The following LRMDA variants were observed in gnomAD, a reference collection of about 807,000 sequenced individuals.
LRMDA encodes the protein leucine rich melanocyte differentiation associated, also known as leucine-rich melanocyte differentiation-associated protein.
Under a neutral mutation model 29.8 loss-of-function variants are expected in LRMDA, and 18 were observed. The ratio of observed to expected loss-of-function variants is 0.60; its 90% CI spans 0.42 to 0.90. The LOEUF is 0.90. LRMDA is among the 40% of genes least tolerant of loss of function. The probability of loss-of-function intolerance (pLI) is 0.00; values close to 1 mark genes in which losing one functional copy is unlikely to be tolerated. For synonymous variants in LRMDA, 125 were observed against 109.4 expected, an observed-to-expected ratio of 1.14 and a Z score of -0.89; for missense variants, 273 against 273.9, an observed-to-expected ratio of 1.00 and a Z score of 0.02.
chr10:75,679,963 G>T (rs1299923304), intron 2 of LRMDA, among the ~76,000 whole-genome samples: 1 of 152,192 alleles, frequency 6.6e-6, no homozygotes, highest in Non-Finnish European at 1.5e-5. Flanking sequence ...GGTAGCAATG[G>T]TTTTAAACAA....
At chr10:76,060,440 T>C (rs961786308) in intron 5 of LRMDA, among the ~76,000 whole-genome samples, 1 of 152,110 alleles carries the variant, frequency 6.6e-6, no homozygotes, top group South Asian at 2.1e-4. Context: ...TCCTCTAAAG[T>C]AGAAGGAAGG....
At position 76,475,955 on chromosome 10, in the gene LRMDA, C is replaced by G. The variant is rs776098118; in HGVS notation, c.602-81254C>G. On this transcript the variant is annotated intron_variant, in intron 6 of 6. Transcript: ENST00000611255. ...GCCCACAAGAGAAAGCAGGAAAGAT[C>G]TAAAAGTGACACCCTAACATCACAA... is the stretch of plus-strand genomic sequence containing the variant. Among the ~76,000 whole-genome samples the G allele has an allele frequency of 8.0e-4, 122 of 152,126 alleles. 1 individual carries two copies. The highest frequency in any genetic ancestry group is 1.4e-3 in the Non-Finnish European group (97 of 67,998).
chr10:75,479,530 G>A (rs1366945506), intron 2 of LRMDA, among the ~76,000 whole-genome samples: 1 of 149,506 alleles, frequency 6.7e-6, no homozygotes, highest in South Asian at 2.1e-4. Flanking sequence ...AAAAGTACAC[G>A]CAACCTTGGG....
intron 5 of LRMDA, among the ~76,000 whole-genome samples, chr10:76,164,550 G>T (rs1564672215): frequency 6.6e-6 from 1 of 152,118 alleles, no homozygotes; most frequent in Non-Finnish European, 1.5e-5. Context: ...AAAAAACAAA[G>T]AATATTTGAG....
At chr10:75,547,439 T>C (rs1473212653) in intron 2 of LRMDA, among the ~76,000 whole-genome samples, 1 of 152,230 alleles carries the variant, frequency 6.6e-6, no homozygotes, top group East Asian at 1.9e-4. Flanking sequence ...CAGGAGTATC[T>C]TTCCTTCGTC....
intron 2 of LRMDA, among the ~76,000 whole-genome samples, chr10:75,655,254 A>G (rs1482725135): frequency 6.6e-6 from 1 of 152,250 alleles, no homozygotes; most frequent in African/African-American, 2.4e-5. Flanking sequence ...GTGTATCAGT[A>G]TGGAGAGCAA....
chr10:75,903,554 T>C (rs1845712214), intron 2 of LRMDA, among the ~76,000 whole-genome samples: 1 of 152,246 alleles, frequency 6.6e-6, no homozygotes, highest in South Asian at 2.1e-4. Flanking sequence ...ATTTGCATAG[T>C]TTATTTCATT....
In LRMDA at chr10:75,787,559, C is replaced by T. The variant is rs1421897945; in HGVS notation, c.132-248449C>T. The stretch of plus-strand genomic sequence containing the variant: ...ATTTCTCTGTCTCCTCCAGACCCCC[C>T]GCCCTCATGATACTGTTGCCAAAAT... On this transcript the variant is annotated intron_variant, in intron 2 of 6. Coordinates refer to ENST00000611255, the MANE Select transcript of LRMDA (RefSeq NM_001305581.2). Among the ~76,000 whole-genome samples, 5 of 152,174 alleles carry T rather than the reference C, an allele frequency of 3.3e-5. No individual in the cohort carries two copies. The East Asian group carries it at 5.8e-4, about 18-fold the overall frequency.
intron 2 of LRMDA, among the ~76,000 whole-genome samples, chr10:75,598,516 C>T (rs1263886779): frequency 1.3e-5 from 2 of 151,914 alleles, no homozygotes; most frequent in East Asian, 3.9e-4. Flanking sequence ...TCCATGACAT[C>T]TCCTTCTACT....
chr10:75,859,447 A>G (rs79762164), intron 2 of LRMDA, among the ~76,000 whole-genome samples: 1,783 of 152,058 alleles, frequency 0.012, 44 homozygotes, highest in African/African-American at 0.041. Context: ...GCCATTTACA[A>G]TTTTCATTTT....
rs1842440294 is a variant in LRMDA, at chr10:76,454,706, G to A, written c.602-102503G>A. On this transcript the variant is annotated intron_variant, in intron 6 of 6. Coordinates refer to ENST00000611255, the MANE Select transcript of LRMDA (RefSeq NM_001305581.2). ...CCAGATGTGTGGATTCCCCTGTTGT[G>A]CCCAATGACAGAGTAGACTTTTCTG... is the stretch of plus-strand genomic sequence containing the variant. 2.1e-5 allele frequency among the ~76,000 whole-genome samples: 3 copies of A among 145,122 alleles called. No homozygotes were observed. The Admixed American group carries it at 2.2e-4, about 11-fold the overall frequency.
chr10:75,872,370 C>T (rs559252653), intron 2 of LRMDA, among the ~76,000 whole-genome samples: 1 of 152,006 alleles, frequency 6.6e-6, no homozygotes, highest in South Asian at 2.1e-4. Context: ...GTGGTATGAT[C>T]TTGGCTCACT....
intron 5 of LRMDA, among the ~76,000 whole-genome samples, chr10:76,291,233 C>T (rs1391310659): frequency 1.3e-5 from 2 of 152,294 alleles, no homozygotes; most frequent in Non-Finnish European, 1.5e-5. Context: ...CTGTCTTTCA[C>T]TGTTGGGTCT....
intron 5 of LRMDA, among the ~76,000 whole-genome samples, chr10:76,236,587 A>G (rs937426034): frequency 2.0e-5 from 3 of 151,780 alleles, no homozygotes; most frequent in Non-Finnish European, 4.4e-5. Flanking sequence ...ACCTTTAAAA[A>G]CCCTAGCCCC....
chr10:76,343,419 A>G (rs1013304239), intron 6 of LRMDA, among the ~76,000 whole-genome samples: 21 of 152,210 alleles, frequency 1.4e-4, no homozygotes, highest in African/African-American at 5.1e-4. Context: ...GCAGAGTAAA[A>G]CATCATGTCC....
At chr10:75,661,708 C>A (rs995507037) in intron 2 of LRMDA, among the ~76,000 whole-genome samples, 1 of 152,050 alleles carries the variant, frequency 6.6e-6, no homozygotes, top group Admixed American at 6.5e-5. Context: ...GCACCCTTAT[C>A]CAGGCAAAAG....
intron 6 of LRMDA, among the ~76,000 whole-genome samples, chr10:76,388,660 A>G (rs1841688601): frequency 6.6e-6 from 1 of 152,362 alleles, no homozygotes; most frequent in South Asian, 2.1e-4. Context: ...GTACACACTG[A>G]TTCAAGGGAA....
intron 5 of LRMDA, among the ~76,000 whole-genome samples, chr10:76,090,807 G>A (rs552619984): frequency 6.6e-6 from 1 of 152,318 alleles, no homozygotes; most frequent in East Asian, 1.9e-4. Context: ...CTTATATTCA[G>A]AGAGACAGTA....
At chr10:76,505,442 A>G (rs541223465) in intron 6 of LRMDA, among the ~76,000 whole-genome samples, 1 of 152,102 alleles carries the variant, frequency 6.6e-6, no homozygotes, top group Non-Finnish European at 1.5e-5. Flanking sequence ...TATTTCTCAG[A>G]TGTTTTGTTC....
Sources: gnomAD v4.1 joint callset for allele counts (sites outside exome capture counted in the v4.1 genomes callset) on GRCh38, gnomAD v4.1.1 for gene constraint, MANE v1.5 for transcripts, NCBI Gene and HGNC (gene_info 2026-07-23, HGNC 2026-07-21) for gene names.